FHIT: variants seen among roughly 807,000 people sequenced by gnomAD.
FHIT encodes bis(5'-adenosyl)-triphosphatase.
FHIT carries 19 observed loss-of-function variants against 17.9 expected under a neutral mutation model. That is an observed-to-expected ratio of 1.06 (90% CI 0.74 to 1.56). FHIT has a LOEUF of 1.56. Among genes scored for constraint, FHIT ranks in the 40% most tolerant of loss-of-function variants. The pLI is 0.00. For synonymous variants in FHIT, 81 were observed against 69.7 expected (o/e 1.16, Z -0.81); for missense variants, 248 against 189.2 (o/e 1.31, Z -1.82).
At chr3:60,582,978 C>T (rs1157672003) in intron 4 of FHIT, among the ~76,000 whole-genome samples, 1 of 151,838 alleles carries the variant, frequency 6.6e-6, no homozygotes, top group African/African-American at 2.4e-5. Flanking sequence ...ACTTCAAAAC[C>T]AGCCCTTGCA....
chr3:60,042,296 T>G (rs1349537957), intron 5 of FHIT, among the ~76,000 whole-genome samples: 2 of 152,370 alleles, frequency 1.3e-5, no homozygotes, highest in East Asian at 3.9e-4. Flanking sequence ...TACTTTTTTC[T>G]TTCCTCCATA....
chr3:59,824,246 G>A (rs748701078), intron 8 of FHIT, among the ~76,000 whole-genome samples: 13 of 152,152 alleles, frequency 8.5e-5, no homozygotes, highest in Admixed American at 2.6e-4. Context: ...ACAGAAGGAC[G>A]GAGGGAGGTA....
intron 5 of FHIT, among the ~76,000 whole-genome samples, chr3:60,055,407 GC>G (rs1420667228): frequency 6.6e-6 from 1 of 150,426 alleles, no homozygotes; most frequent in African/African-American, 2.4e-5. Flanking sequence ...ACTAGAAAAA[GC>G]AAGGAGATGC....
intron 7 of FHIT, among the ~76,000 whole-genome samples, chr3:59,960,803 A>G (rs1294436524): frequency 1.3e-5 from 2 of 152,110 alleles, no homozygotes; most frequent in Non-Finnish European, 2.9e-5. Flanking sequence ...AGTATTTTGC[A>G]TATCTGTTTT....
chr3:61,055,566 T>A (rs1419110352), intron 2 of FHIT, among the ~76,000 whole-genome samples: 1 of 152,204 alleles, frequency 6.6e-6, no homozygotes, highest in Admixed American at 6.5e-5. Context: ...AAGTGAATGA[T>A]ATTTAGAACC....
chr3:60,036,518 G>A (rs1037730346), intron 5 of FHIT, among the ~76,000 whole-genome samples: 1 of 152,126 alleles, frequency 6.6e-6, no homozygotes, highest in Admixed American at 6.5e-5. Context: ...CTAGTAATAC[G>A]TGGTAAGCAA....
chr3:60,784,596 A>C (rs1700501738), intron 4 of FHIT, among the ~76,000 whole-genome samples: 1 of 152,180 alleles, frequency 6.6e-6, no homozygotes, highest in African/African-American at 2.4e-5. Context: ...TCGGCCTCCC[A>C]AAATTCTGGG....
At chr3:61,036,997 C>T (rs1316550189) in intron 3 of FHIT, among the ~76,000 whole-genome samples, 1 of 151,294 alleles carries the variant, frequency 6.6e-6, no homozygotes, top group African/African-American at 2.4e-5. Context: ...CTGCAAGCTC[C>T]GCCTCCCGAG....
At chr3:61,246,866 A>T (rs972940888) in intron 1 of FHIT, among the ~76,000 whole-genome samples, 14 of 152,166 alleles carry the variant, frequency 9.2e-5, no homozygotes, top group African/African-American at 3.4e-4. Flanking sequence ...GTAAAATTTT[A>T]AAAAAATTTA....
intron 5 of FHIT, among the ~76,000 whole-genome samples, chr3:60,058,369 T>C (rs1288804016): frequency 6.6e-6 from 1 of 151,962 alleles, no homozygotes; most frequent in Non-Finnish European, 1.5e-5. Context: ...GACCTCATGA[T>C]CTGCCCGCCT....
At chr3:60,828,206 T>G (rs191751723) in intron 3 of FHIT, among the ~76,000 whole-genome samples, 9 of 152,324 alleles carry the variant, frequency 5.9e-5, no homozygotes, top group African/African-American at 2.2e-4. Context: ...AGAATTCACC[T>G]TTTTTAACAT....
chr3:60,099,023 T>G (rs182178751), intron 5 of FHIT, among the ~76,000 whole-genome samples: 1 of 152,266 alleles, frequency 6.6e-6, no homozygotes, highest in African/African-American at 2.4e-5. Flanking sequence ...GTGCTTAGAT[T>G]TGACTGTTGA....
At chr3:61,129,327 T>C (rs907000239) in intron 2 of FHIT, among the ~76,000 whole-genome samples, 2 of 152,196 alleles carry the variant, frequency 1.3e-5, no homozygotes, top group South Asian at 4.1e-4. Context: ...TCTAAATACA[T>C]GCATAATTTT....
rs5849349 is a variant in FHIT at position 60,308,496 on chromosome 3, GTATATATATATA to G, written c.103+228352_103+228363del. 4.2e-3 allele frequency among the ~76,000 whole-genome samples: 595 copies of G among 140,832 alleles called. 3 individuals are homozygous for G. Among genetic ancestry groups the G allele is most frequent in the African/African-American group, 0.012 (458 of 37,492 alleles). The allele number at this position is 140,832 out of a possible 152,430, so 92.4% of individuals were successfully genotyped here. A position where few individuals can be genotyped will look rare whatever the true frequency, so the allele number is the denominator to read the frequency against. On this transcript the variant is annotated intron_variant, in intron 5 of 9. Coordinates refer to ENST00000492590, the MANE Select transcript of FHIT (RefSeq NM_002012.4). ...TATAGGTATAGGTATAGGTGTATGT[GTATATATATATA>G]TATATATATATATATATATATGCCT...
chr3:59,989,850 C>T (rs765730642), intron 7 of FHIT, among the ~76,000 whole-genome samples: 5 of 152,030 alleles, frequency 3.3e-5, no homozygotes, highest in Non-Finnish European at 7.4e-5. Flanking sequence ...CCACAAATAT[C>T]GGAGATAGAC....
chr3:60,720,232 C>G (rs2041779024), intron 4 of FHIT, among the ~76,000 whole-genome samples: 1 of 152,100 alleles, frequency 6.6e-6, no homozygotes. Context: ...TCAGTGCCTT[C>G]CCCTCAACTC....
intron 5 of FHIT, among the ~76,000 whole-genome samples, chr3:60,313,550 G>T (rs1256783600): frequency 6.6e-6 from 1 of 152,140 alleles, no homozygotes; most frequent in African/African-American, 2.4e-5. Flanking sequence ...CAAATAGGTT[G>T]TCACGTAAAG....
At chr3:60,281,594 T>C (rs1707456339) in intron 5 of FHIT, among the ~76,000 whole-genome samples, 2 of 141,466 alleles carry the variant, frequency 1.4e-5, no homozygotes, top group South Asian at 4.4e-4. Context: ...CAAATAGTGC[T>C]AGAATAACTG....
chr3:60,583,363 C>G (rs2037808556), intron 4 of FHIT, among the ~76,000 whole-genome samples: 1 of 151,888 alleles, frequency 6.6e-6, no homozygotes, highest in Non-Finnish European at 1.5e-5. Context: ...CAGGGGTTGT[C>G]AAACGTTTTC....
Sources: gnomAD v4.1 joint callset for allele counts (sites outside exome capture counted in the v4.1 genomes callset) on GRCh38, gnomAD v4.1.1 for gene constraint, MANE v1.5 for transcripts, NCBI Gene and HGNC (gene_info 2026-07-23, HGNC 2026-07-21) for gene names.